SCAPER: variants seen among roughly 807,000 people sequenced by gnomAD.
SCAPER encodes the protein S-phase cyclin A associated protein in the ER, also known as S phase cyclin A-associated protein in the endoplasmic reticulum.
Under a neutral mutation model 182.2 loss-of-function variants are expected in SCAPER, and 98 were observed. The ratio of observed to expected loss-of-function variants is 0.54; its 90% CI spans 0.46 to 0.64. SCAPER has a LOEUF of 0.64. Among genes scored for constraint, SCAPER ranks in the 30% least tolerant of loss-of-function variants. The probability of loss-of-function intolerance (pLI) is 0.00; values close to 1 mark genes in which losing one functional copy is unlikely to be tolerated. For missense variants in SCAPER, 1,432 were observed against 1,690.0 expected (o/e 0.85, Z 2.68); for synonymous variants, 605 against 564.6 (o/e 1.07, Z -1.01).
chr15:76,772,888 C>T (rs2063546660), intron 9 of SCAPER, among the ~76,000 whole-genome samples: 1 of 151,810 alleles, frequency 6.6e-6, no homozygotes, highest in South Asian at 2.1e-4. Context: ...TAGATAAATG[C>T]TGCAGTGGCC....
At chr15:76,884,748 T>C (rs2073752211) in intron 1 of SCAPER, among the ~76,000 whole-genome samples, 1 of 152,038 alleles carries the variant, frequency 6.6e-6, no homozygotes, top group South Asian at 2.1e-4. Flanking sequence ...AGCTAAAAAG[T>C]AGAAACAACC....
chr15:76,376,885 C>T (rs560822632), intron 28 of SCAPER, among the ~76,000 whole-genome samples: 8 of 152,272 alleles, frequency 5.3e-5, no homozygotes, highest in Admixed American at 1.3e-4. Flanking sequence ...ACCATGAAAT[C>T]CCTCAGCTAT....
At chr15:76,712,805 C>T (rs2059662779) in intron 17 of SCAPER, among the ~76,000 whole-genome samples, 3 of 151,802 alleles carry the variant, frequency 2.0e-5, no homozygotes, top group South Asian at 4.2e-4. Context: ...TGAGACTTTG[C>T]TGAAGTTGCT....
At chr15:76,492,435 CA>C (rs2052410676) in intron 24 of SCAPER, among the ~76,000 whole-genome samples, 1 of 151,934 alleles carries the variant, frequency 6.6e-6, no homozygotes, top group African/African-American at 2.4e-5. Flanking sequence ...AAAATTTTTC[CA>C]ATGGAGTCTC....
At chr15:76,879,500 A>G (rs1209011157) in intron 2 of SCAPER, among the ~76,000 whole-genome samples, 1 of 152,210 alleles carries the variant, frequency 6.6e-6, no homozygotes, top group Non-Finnish European at 1.5e-5. Flanking sequence ...CCTACTGGCC[A>G]TATGTTAGGG....
chr15:76,898,159 G>A (rs1045395089), intron 1 of SCAPER, among the ~76,000 whole-genome samples: 2 of 152,160 alleles, frequency 1.3e-5, no homozygotes, highest in Non-Finnish European at 2.9e-5. Flanking sequence ...AAAACATGTT[G>A]AAATCACTAG....
intron 6 of SCAPER, among the ~76,000 whole-genome samples, chr15:76,800,791 G>T (rs2065725909): frequency 6.6e-6 from 1 of 152,216 alleles, no homozygotes; most frequent in Non-Finnish European, 1.5e-5. Context: ...ATACGGTAAG[G>T]GTTAAATGAA....
intron 26 of SCAPER, among the ~76,000 whole-genome samples, chr15:76,420,742 G>T (rs557400847): frequency 6.6e-6 from 1 of 152,208 alleles, no homozygotes; most frequent in East Asian, 1.9e-4. Flanking sequence ...TTTACATTCG[G>T]TATATCTCCT....
At chr15:76,607,941 A>T (rs977395700) in intron 22 of SCAPER, among the ~76,000 whole-genome samples, 51 of 152,008 alleles carry the variant, frequency 3.4e-4, no homozygotes, top group African/African-American at 1.2e-3. Flanking sequence ...AAAGCTTTTA[A>T]CTTCTTTGCC....
At chr15:76,835,504 T>C (rs967930976) in intron 5 of SCAPER, among the ~76,000 whole-genome samples, 1 of 152,014 alleles carries the variant, frequency 6.6e-6, no homozygotes, top group African/African-American at 2.4e-5. Context: ...TCACTTCATG[T>C]TAAAAACCCT....
At chr15:76,482,388 T>C (rs1230669684) in intron 24 of SCAPER, among the ~76,000 whole-genome samples, 2 of 152,188 alleles carry the variant, frequency 1.3e-5, no homozygotes, top group Non-Finnish European at 2.9e-5. Flanking sequence ...TCATGAATTA[T>C]TAAAGAGCAT....
At chr15:76,782,337 C>T (rs2151391763) in intron 8 of SCAPER, among the ~76,000 whole-genome samples, 1 of 152,324 alleles carries the variant, frequency 6.6e-6, no homozygotes, top group Middle Eastern at 3.4e-3. Flanking sequence ...GAAGAGCTAA[C>T]TATCCTAAAT....
At chr15:76,383,908 T>G (rs1202201385) in intron 27 of SCAPER, among the ~76,000 whole-genome samples, 2 of 152,242 alleles carry the variant, frequency 1.3e-5, no homozygotes, top group Non-Finnish European at 2.9e-5. Context: ...GGGAGATATT[T>G]TTGTCTCATA....
chr15:76,845,351 GTACGTAC>G (rs1366423220), intron 4 of SCAPER, among the ~76,000 whole-genome samples: 1 of 152,058 alleles, frequency 6.6e-6, no homozygotes, highest in African/African-American at 2.4e-5. Context: ...ATTCAAAACA[GTACGTAC>G]TGGAAGTCCT....
At chr15:76,656,539 A>G (rs2055650618) in intron 21 of SCAPER, among the ~76,000 whole-genome samples, 1 of 152,170 alleles carries the variant, frequency 6.6e-6, no homozygotes, top group South Asian at 2.1e-4. Context: ...TTGACACTTC[A>G]TTAAATGGAC....
chr15:76,461,420 C>T (rs2049166396), intron 25 of SCAPER, among the ~76,000 whole-genome samples: 2 of 151,678 alleles, frequency 1.3e-5, no homozygotes, highest in South Asian at 4.2e-4. Flanking sequence ...CATTTGTCCA[C>T]TAATTTTTGC....
At chr15:76,729,875 T>A (rs2060818127) in intron 16 of SCAPER, among the ~76,000 whole-genome samples, 1 of 152,082 alleles carries the variant, frequency 6.6e-6, no homozygotes, top group Non-Finnish European at 1.5e-5. Context: ...ATGTTCCTCA[T>A]CTTATTGATA....
At chr15:76,840,113 GT>G (rs1405556630) in intron 5 of SCAPER, among the ~76,000 whole-genome samples, 2 of 152,048 alleles carry the variant, frequency 1.3e-5, no homozygotes, top group Non-Finnish European at 2.9e-5. Context: ...ACTTAAAAAT[GT>G]TTTTCTTTAA....
At chr15:76,535,348 C>T (rs2044041287) in intron 23 of SCAPER, among the ~76,000 whole-genome samples, 1 of 151,110 alleles carries the variant, frequency 6.6e-6, no homozygotes, top group South Asian at 2.1e-4. Context: ...ACGGTGAGAC[C>T]CTGTCTCTAC....
Sources: gnomAD v4.1 joint callset for allele counts (sites outside exome capture counted in the v4.1 genomes callset) on GRCh38, gnomAD v4.1.1 for gene constraint, MANE v1.5 for transcripts, NCBI Gene and HGNC (gene_info 2026-07-23, HGNC 2026-07-21) for gene names.